ZNF69: variants seen among roughly 807,000 people sequenced by gnomAD.
The protein encoded by ZNF69 is zinc finger protein 69.
Under a neutral mutation model 50.9 loss-of-function variants are expected in ZNF69, and 47 were observed. That is an observed-to-expected ratio of 0.92 (90% CI 0.73 to 1.18). The LOEUF is 1.18. ZNF69 is among the 50% of genes most tolerant of loss of function. The pLI is 0.00. For synonymous variants in ZNF69, 216 were observed against 223.1 expected (o/e 0.97, Z 0.29); for missense variants, 717 against 675.1 (o/e 1.06, Z -0.69).
the ZNF69 span, chr19:11,978,165 G>A: frequency 1.9e-6 from 3 of 1,613,910 alleles, no homozygotes; most frequent in South Asian, 2.2e-5. Context: ...CAGTCATTGT[G>A]GAGAAACTTT....
chr19:11,913,392 T>A (rs762456231), intron 4 of ZNF69: 11 of 584,266 alleles, frequency 1.9e-5, no homozygotes, highest in Admixed American at 3.4e-5. Flanking sequence ...ATTTTTCTTA[T>A]CTTTTTTTTT....
the ZNF69 span, among the ~76,000 whole-genome samples, chr19:11,960,650 A>G: frequency 1.3e-5 from 2 of 150,696 alleles, no homozygotes; most frequent in African/African-American, 4.9e-5. Context: ...TCTGACAAAT[A>G]TTTTATTTAA....
chr19:11,974,061 C>CTTCTTTCTT, the ZNF69 span, among the ~76,000 whole-genome samples: 1 of 144,208 alleles, frequency 6.9e-6, no homozygotes, highest in African/African-American at 2.7e-5. Flanking sequence ...TCTTTCTTTC[C>CTTCTTTCTT]TTCTTTCTTT....
chr19:11,900,028 ACTGCAG>A (rs1281010205), intron 1 of ZNF69, among the ~76,000 whole-genome samples: 4 of 151,926 alleles, frequency 2.6e-5, no homozygotes, highest in African/African-American at 9.7e-5. Context: ...GATTGAGCTC[ACTGCAG>A]CCTCTGCCTC....
At chr19:11,967,875 A>G in the ZNF69 span, among the ~76,000 whole-genome samples, 7 of 152,224 alleles carry the variant, frequency 4.6e-5, no homozygotes, top group South Asian at 2.1e-4. Context: ...GTGGGCTGAC[A>G]GCGTCACAAA....
chr19:11,936,535 GTT>G, the ZNF69 span, among the ~76,000 whole-genome samples: 8 of 152,040 alleles, frequency 5.3e-5, no homozygotes, highest in Non-Finnish European at 1.2e-4. Flanking sequence ...TGATGGGGTT[GTT>G]TGTTTTTTTC....
chr19:11,897,904 G>GA (rs1199504941), intron 1 of ZNF69, among the ~76,000 whole-genome samples: 2 of 150,310 alleles, frequency 1.3e-5, no homozygotes, highest in Non-Finnish European at 3.0e-5. Context: ...AAAGAAAAAA[G>GA]AAAAAAATTA....
chr19:11,958,624 C>T, the ZNF69 span, among the ~76,000 whole-genome samples: 5 of 152,172 alleles, frequency 3.3e-5, no homozygotes, highest in Admixed American at 2.0e-4. Context: ...GTAGAAGTCC[C>T]AGAATTAATT....
At chr19:11,956,208 A>T in the ZNF69 span, among the ~76,000 whole-genome samples, 1 of 152,288 alleles carries the variant, frequency 6.6e-6, no homozygotes, top group East Asian at 1.9e-4. Context: ...AACTTTTTGT[A>T]AGGAGGGGTA....
chr19:11,928,653 A>C, the ZNF69 span, among the ~76,000 whole-genome samples: 2 of 141,052 alleles, frequency 1.4e-5, no homozygotes, highest in Admixed American at 7.1e-5. Flanking sequence ...AATGGCGTGA[A>C]CCCGGGAGGC....
the ZNF69 span, among the ~76,000 whole-genome samples, chr19:11,972,806 GA>G: frequency 3.3e-5 from 5 of 151,766 alleles, no homozygotes; most frequent in Non-Finnish European, 4.4e-5. Flanking sequence ...TAAACATCTT[GA>G]CTGGCCAGAT....
downstream of ZNF69, among the ~76,000 whole-genome samples, chr19:11,907,500 A>G (rs938080958): frequency 6.6e-6 from 1 of 152,234 alleles, no homozygotes; most frequent in African/African-American, 2.4e-5. Context: ...ACAAGCCAGA[A>G]AAGAGTGGGG....
At chr19:11,972,319 G>T in the ZNF69 span, among the ~76,000 whole-genome samples, 1 of 151,904 alleles carries the variant, frequency 6.6e-6, no homozygotes, top group East Asian at 1.9e-4. Flanking sequence ...AAAGAAAAAA[G>T]AAAAAAATGA....
At chr19:11,976,853 A>G in the ZNF69 span, 1 of 1,437,094 alleles carries the variant, frequency 7.0e-7, no homozygotes, top group Non-Finnish European at 9.1e-7. Context: ...TGTTTTGAAA[A>G]TCCATCTCAA....
downstream of ZNF69, among the ~76,000 whole-genome samples, chr19:11,918,316 C>T (rs1478110674): frequency 1.3e-5 from 2 of 152,160 alleles, no homozygotes; most frequent in African/African-American, 4.8e-5. Flanking sequence ...ATCTAACTCA[C>T]TTTTCGTCGC....
the ZNF69 span, among the ~76,000 whole-genome samples, chr19:11,928,114 G>A: frequency 4.6e-5 from 7 of 151,872 alleles, no homozygotes; most frequent in African/African-American, 1.7e-4. Context: ...CGCCTCTCAA[G>A]TAGCTAAGAC....
downstream of ZNF69, among the ~76,000 whole-genome samples, chr19:11,911,277 A>G (rs1459984025): frequency 5.3e-5 from 8 of 152,228 alleles, no homozygotes; most frequent in East Asian, 1.9e-4. Flanking sequence ...ATTCCTCAAG[A>G]ATCTAGACCT....
At chr19:11,939,832 C>G in the ZNF69 span, 1 of 152,042 alleles carries the variant, frequency 6.6e-6, no homozygotes, top group Non-Finnish European at 1.5e-5. Flanking sequence ...GAATTTTACA[C>G]GTACACTTGA....
chr19:11,955,403 T>C, the ZNF69 span, among the ~76,000 whole-genome samples: 1 of 151,112 alleles, frequency 6.6e-6, no homozygotes, highest in Non-Finnish European at 1.5e-5. Context: ...TTTCTTTTTT[T>C]TTTTTTTTGA....
Sources: allele counts gnomAD v4.1 joint callset (sites outside exome capture counted in the v4.1 genomes callset), GRCh38; gene constraint gnomAD v4.1.1; transcripts MANE v1.5; gene names NCBI Gene and HGNC (gene_info 2026-07-23, HGNC 2026-07-21).